The following SLC10A7 variants were observed in gnomAD, a reference collection of about 807,000 sequenced individuals.
The protein encoded by SLC10A7 is solute carrier family 10 member 7.
SLC10A7 carries 29 observed loss-of-function variants against 43.2 expected under a neutral mutation model. The ratio of observed to expected loss-of-function variants is 0.67; its 90% CI spans 0.50 to 0.92. The LOEUF (loss-of-function observed/expected upper bound fraction) is 0.92. Among genes scored for constraint, SLC10A7 ranks in the 40% least tolerant of loss-of-function variants. The pLI, the probability that SLC10A7 is intolerant of heterozygous loss-of-function variation, is 0.00. For missense variants in SLC10A7, 295 were observed against 403.2 expected (o/e 0.73, Z 2.30); for synonymous variants, 152 against 144.8 (o/e 1.05, Z -0.35).
At chr4:146,285,503 G>A (rs183276194) in intron 9 of SLC10A7, among the ~76,000 whole-genome samples, 187 of 152,310 alleles carry the variant, frequency 1.2e-3, no homozygotes, top group Admixed American at 2.2e-3. Context: ...AAGACCTTCT[G>A]ACTCTTAGGA....
At chr4:146,480,963 T>C (rs1204509541) in intron 4 of SLC10A7, among the ~76,000 whole-genome samples, 1 of 152,050 alleles carries the variant, frequency 6.6e-6, no homozygotes, top group Non-Finnish European at 1.5e-5. Flanking sequence ...AAACCTGAGA[T>C]GGCTGCACAG....
chr4:146,498,294 T>C (rs1411623205), intron 4 of SLC10A7, among the ~76,000 whole-genome samples: 6 of 152,084 alleles, frequency 3.9e-5, no homozygotes, highest in Non-Finnish European at 7.4e-5. Flanking sequence ...ATTTTTGTAT[T>C]TTTAGTAGAG....
chr4:146,456,170 A>T (rs1313095041), intron 4 of SLC10A7, among the ~76,000 whole-genome samples: 1 of 151,940 alleles, frequency 6.6e-6, no homozygotes, highest in African/African-American at 2.4e-5. Flanking sequence ...GAAATAATAA[A>T]GATATGAGCA....
intron 5 of SLC10A7, among the ~76,000 whole-genome samples, chr4:146,358,415 A>T (rs1047672974): frequency 5.9e-5 from 9 of 152,176 alleles, no homozygotes; most frequent in African/African-American, 2.2e-4. Flanking sequence ...ATAATATAGT[A>T]TAAAATTTTA....
chr4:146,295,885 A>G (rs1730752323), intron 7 of SLC10A7, among the ~76,000 whole-genome samples: 1 of 152,164 alleles, frequency 6.6e-6, no homozygotes, highest in African/African-American at 2.4e-5. Flanking sequence ...TCTCTGCAAT[A>G]GGTTATAGAA....
chr4:146,432,025 C>T (rs1729815905), intron 5 of SLC10A7, among the ~76,000 whole-genome samples: 7 of 152,110 alleles, frequency 4.6e-5, no homozygotes, highest in Admixed American at 4.6e-4. Context: ...CAAATAAGCA[C>T]ATAAAAAATG....
intron 4 of SLC10A7, among the ~76,000 whole-genome samples, chr4:146,482,265 C>T (rs1428977161): frequency 6.6e-6 from 1 of 151,884 alleles, no homozygotes. Flanking sequence ...GTAACTGATG[C>T]AACAGAAAGA....
At chr4:146,330,788 C>G (rs986160180) in intron 5 of SLC10A7, among the ~76,000 whole-genome samples, 1 of 152,064 alleles carries the variant, frequency 6.6e-6, no homozygotes, top group African/African-American at 2.4e-5. Flanking sequence ...GATGGCTGTG[C>G]CTTTGCCAGA....
chr4:146,433,502 T>C (rs1370411408), intron 5 of SLC10A7, among the ~76,000 whole-genome samples: 2 of 152,102 alleles, frequency 1.3e-5, no homozygotes. Context: ...TAAAGCTTTT[T>C]TAGAAAAAAA....
intron 10 of SLC10A7, among the ~76,000 whole-genome samples, chr4:146,264,779 C>CGA (rs1182083228): frequency 6.6e-6 from 1 of 152,208 alleles, no homozygotes; most frequent in East Asian, 1.9e-4. Context: ...GTTCTTCCAC[C>CGA]TCTAGATTAA....
At chr4:146,466,284 T>C (rs1325768517) in intron 4 of SLC10A7, among the ~76,000 whole-genome samples, 3 of 152,190 alleles carry the variant, frequency 2.0e-5, no homozygotes, top group Non-Finnish European at 4.4e-5. Context: ...CGTATAGTAC[T>C]GAAGACTTTA....
intron 3 of SLC10A7, among the ~76,000 whole-genome samples, chr4:146,509,635 C>T (rs922615797): frequency 1.3e-5 from 2 of 152,158 alleles, no homozygotes; most frequent in Non-Finnish European, 2.9e-5. Flanking sequence ...ATCTGCTAGT[C>T]CTTCTCATTT....
At chr4:146,448,687 T>C (rs1435680844) in intron 4 of SLC10A7, among the ~76,000 whole-genome samples, 1 of 152,212 alleles carries the variant, frequency 6.6e-6, no homozygotes, top group Non-Finnish European at 1.5e-5. Flanking sequence ...CATAGAAATG[T>C]TTACCAAAAT....
At chr4:146,390,368 C>A (rs972127124) in intron 5 of SLC10A7, among the ~76,000 whole-genome samples, 1 of 152,142 alleles carries the variant, frequency 6.6e-6, no homozygotes, top group African/African-American at 2.4e-5. Flanking sequence ...GTGGCTCACA[C>A]CTGTAATCCC....
At chr4:146,521,434 C>T (rs1738645324) in intron 1 of SLC10A7, among the ~76,000 whole-genome samples, 184 bp downstream of exon 1, 1 of 152,204 alleles carries the variant, frequency 6.6e-6, no homozygotes, top group South Asian at 2.1e-4. Flanking sequence ...TCCTTTGCCT[C>T]GTTCCTAATT....
intron 4 of SLC10A7, among the ~76,000 whole-genome samples, chr4:146,491,810 C>T (rs1735470508): frequency 1.3e-5 from 2 of 152,128 alleles, no homozygotes; most frequent in South Asian, 4.2e-4. Context: ...AAATGCAGCT[C>T]AGCCCACTCA....
At chr4:146,430,383 G>C in intron 5 of SLC10A7, among the ~76,000 whole-genome samples, 1 of 152,132 alleles carries the variant, frequency 6.6e-6, no homozygotes, top group East Asian at 1.9e-4. Flanking sequence ...AAGAAGATAG[G>C]ATTCATTGCC....
chr4:146,284,051 T>A (rs961794680), intron 9 of SLC10A7, among the ~76,000 whole-genome samples: 1 of 152,194 alleles, frequency 6.6e-6, no homozygotes, highest in African/African-American at 2.4e-5. Context: ...TTGGATGTCA[T>A]AATCAGATTT....
intron 4 of SLC10A7, among the ~76,000 whole-genome samples, chr4:146,472,502 T>C (rs1047477527): frequency 6.6e-6 from 1 of 150,848 alleles, no homozygotes; most frequent in Admixed American, 6.6e-5. Context: ...ATTACTCCAC[T>C]GTCAGTGCAA....
Sources: gnomAD v4.1 joint callset for allele counts (sites outside exome capture counted in the v4.1 genomes callset) on GRCh38, gnomAD v4.1.1 for gene constraint, MANE v1.5 for transcripts, NCBI Gene and HGNC (gene_info 2026-07-23, HGNC 2026-07-21) for gene names.